RAD51AP1: variants seen among roughly 807,000 people sequenced by gnomAD.
RAD51AP1 encodes the protein RAD51-associated protein 1.
A neutral mutation model predicts 34.3 loss-of-function variants in RAD51AP1; 14 were observed. The ratio of observed to expected loss-of-function variants is 0.41; its 90% CI spans 0.27 to 0.64. The LOEUF is 0.64. Ranked by LOEUF, RAD51AP1 falls within the 30% of genes least tolerant of loss-of-function variation. The pLI, the probability that RAD51AP1 is intolerant of heterozygous loss-of-function variation, is 0.33. For synonymous variants in RAD51AP1, 114 were observed against 129.8 expected, an observed-to-expected ratio of 0.88 and a Z score of 0.83; for missense variants, 348 against 386.9, an observed-to-expected ratio of 0.90 and a Z score of 0.84.
intron 7 of RAD51AP1, among the ~76,000 whole-genome samples, chr12:4,553,905 T>C (rs1373757681): frequency 6.6e-6 from 1 of 152,200 alleles, no homozygotes; most frequent in African/African-American, 2.4e-5. Flanking sequence ...ATTTAGTCTT[T>C]CCATTTATTC....
intron 6 of RAD51AP1, chr12:4,550,417 C>G (rs1944537808): frequency 6.6e-6 from 1 of 152,192 alleles, no homozygotes; most frequent in Admixed American, 6.5e-5. Flanking sequence ...TTCCTCTACC[C>G]CTTGCCTTCT....
intron 6 of RAD51AP1, among the ~76,000 whole-genome samples, chr12:4,549,564 T>C (rs1944531651): frequency 6.6e-6 from 1 of 152,086 alleles, no homozygotes; most frequent in African/African-American, 2.4e-5. Flanking sequence ...AACAAACAGC[T>C]CCTGTCCTTC....
At chr12:4,539,847 G>A (rs1257465677) in intron 1 of RAD51AP1, among the ~76,000 whole-genome samples, 1 of 152,182 alleles carries the variant, frequency 6.6e-6, no homozygotes, top group Non-Finnish European at 1.5e-5. Context: ...AGGAGTTTAG[G>A]TTTTATTTTA....
intron 3 of RAD51AP1, chr12:4,545,198 A>G (rs1299949706): frequency 1.3e-5 from 6 of 453,682 alleles, no homozygotes; most frequent in South Asian, 6.2e-5. Context: ...TGTGGTTTCC[A>G]CAAAATGGAA....
At chr12:4,545,884 T>A in intron 3 of RAD51AP1, 2 of 1,573,106 alleles carry the variant, frequency 1.3e-6, no homozygotes, top group African/African-American at 1.4e-5. Context: ...GGAAGAGATG[T>A]AAAAAAATGA....
intron 6 of RAD51AP1, among the ~76,000 whole-genome samples, chr12:4,549,186 A>G (rs1944528632): frequency 6.6e-6 from 1 of 152,152 alleles, no homozygotes; most frequent in Non-Finnish European, 1.5e-5. Context: ...GGCTGGTACT[A>G]ATCAGGGAGG....
At chr12:4,552,915 G>A in intron 6 of RAD51AP1, 68 bp from the exon 7 acceptor site, 2 of 1,381,370 alleles carry the variant, frequency 1.4e-6, no homozygotes, top group Non-Finnish European at 1.9e-6. Context: ...GAAAGCTGTG[G>A]ATAAAGTTAA....
intron 2 of RAD51AP1, 66 bp downstream of exon 2, chr12:4,541,999 A>G: frequency 9.2e-7 from 1 of 1,090,652 alleles, no homozygotes; most frequent in Non-Finnish European, 1.3e-6. Context: ...TTTATATGAC[A>G]TATATAGCTC....
In RAD51AP1 at chr12:4,548,622, C is replaced by T. The variant is rs1287177578; in HGVS notation, c.407-65C>T. On this transcript the variant is annotated intron_variant, in intron 5 of 8. Transcript: ENST00000352618. ...AACAATAGCTGTAATAGAGTCTGGT[C>T]TGCAGTTCTTGAAATATCAGTTGTC... 7 of 1,533,236 alleles carry T rather than the reference C, an allele frequency of 4.6e-6. No homozygotes were observed. The African/African-American group carries it at 6.9e-5, about 15-fold the overall frequency. The allele number at this position is 1,533,236 out of a possible 1,614,324, so 95.0% of individuals were successfully genotyped here. A position where few individuals can be genotyped will look rare whatever the true frequency, so the allele number is the denominator to read the frequency against.
At chr12:4,554,854 T>G (rs1436916312) in intron 7 of RAD51AP1, among the ~76,000 whole-genome samples, 2 of 152,210 alleles carry the variant, frequency 1.3e-5, no homozygotes, top group Non-Finnish European at 2.9e-5. Flanking sequence ...TATGGTAACC[T>G]CTAGCCATGT....
intron 7 of RAD51AP1, among the ~76,000 whole-genome samples, chr12:4,555,884 T>A (rs1057087465): frequency 6.6e-6 from 1 of 152,204 alleles, no homozygotes; most frequent in Non-Finnish European, 1.5e-5. Flanking sequence ...CCCACTGAAG[T>A]CTAGTGACTA....
chr12:4,539,593 TGA>T (rs1270416754), intron 1 of RAD51AP1, among the ~76,000 whole-genome samples: 2 of 152,154 alleles, frequency 1.3e-5, no homozygotes, highest in Non-Finnish European at 2.9e-5. Context: ...CCTCGAAATA[TGA>T]GAGTGCGAAA....
Position 4,556,484 on chromosome 12 carries a change from C to T in RAD51AP1, c.853C>T (p.Pro285Ser), listed in dbSNP as rs768031221. Residue 285 changes from proline (P) to serine (S), a missense_variant, in exon 8 of 9, where the codon CCT (proline) becomes TCT (serine). By Grantham distance (74) the Pro-to-Ser change is moderately conservative. Coordinates refer to ENST00000352618, the MANE Select transcript of RAD51AP1 (RefSeq NM_006479.5). ...CAGTCCTTCAGCTGAAAGCAAGAAA[C>T]CTAAATGGGTCCCACCAGGTATGGC... is the stretch of plus-strand genomic sequence containing the variant. ...IRSPSAESKK[P>S]KWVPPAASGG... 6.2e-7 allele frequency: 1 copy of T among 1,613,668 alleles called. No individual in the cohort carries two copies. The highest frequency in any genetic ancestry group is 1.3e-5 in the African/African-American group (1 of 75,026).
Position 4,556,484 on chromosome 12 carries a change from C to A in RAD51AP1, c.853C>A (p.Pro285Thr). Residue 285 changes from proline (P) to threonine (T), a missense_variant, in exon 8 of 9, where the codon CCT becomes ACT. Pro to Thr is a conservative substitution (Grantham distance 38, BLOSUM62 -1). Transcript: ENST00000352618. ...IRSPSAESKK[P>T]KWVPPAASGG... ...CAGTCCTTCAGCTGAAAGCAAGAAACCTAAATGGGTCCCACCAGGTATGGC... is the reference window on the plus strand; with the variant it reads ...CAGTCCTTCAGCTGAAAGCAAGAAAACTAAATGGGTCCCACCAGGTATGGC... 6.2e-7 allele frequency: 1 copy of A among 1,613,668 alleles called. No individual in the cohort carries two copies. Among genetic ancestry groups the A allele is most frequent in the Non-Finnish European group, 8.5e-7 (1 of 1,179,640 alleles).
chr12:4,546,267 G>T, intron 3 of RAD51AP1, 42 bp from the exon 4 acceptor site: 2 of 1,393,386 alleles, frequency 1.4e-6, no homozygotes, highest in East Asian at 2.3e-5. Flanking sequence ...AGTTGAGATT[G>T]ATATTTTGAA....
intron 6 of RAD51AP1, among the ~76,000 whole-genome samples, chr12:4,549,298 TATG>T (rs1419407145): frequency 1.3e-5 from 2 of 152,204 alleles, no homozygotes; most frequent in African/African-American, 4.8e-5. Context: ...TATATTTTAT[TATG>T]ATGGTTTTTA....
chr12:4,546,171 C>A (rs1944504715), intron 3 of RAD51AP1, 138 bp from the exon 4 acceptor site: 1 of 634,910 alleles, frequency 1.6e-6, no homozygotes, highest in South Asian at 2.0e-5. Flanking sequence ...CATCAAAGGT[C>A]TATTAATGAT....
rs1294820254 is a variant in RAD51AP1, at chr12:4,553,031, A to G, written c.605A>G (p.Asp202Gly). The change falls in exon 7 of 9, where the codon GAC (aspartate) becomes GGC (glycine). Residue 202 changes from aspartate (D) to glycine (G), a missense_variant. Physicochemically the swap from Asp to Gly is moderately conservative, Grantham distance 94 (BLOSUM62 -1). Transcript: ENST00000352618. ...GATTTTTGTGAGAGTGAGGATAATG[A>G]CGAAGACTTCTCTATGAGAAAAAGT... ...DSDFCESEDN[D>G]EDFSMRKSKV... 4 of 1,606,344 alleles carry G rather than the reference A, an allele frequency of 2.5e-6. No homozygotes were observed. In the Admixed American group the frequency reaches 6.9e-5, roughly 28 times the overall value.
In RAD51AP1 at chr12:4,556,395, C is replaced by T. The variant is rs1944583152; in HGVS notation, c.764C>T (p.Ser255Phe). ...DSAPAAVKSE[S>F]QSLPKKVSLS... ...GCTCCAGCTGCCGTCAAATCAGAAT[C>T]TCAGTCCTTGCCAAAAAAGGTTTCT... The change falls in exon 8 of 9, where the codon TCT becomes TTT. Residue 255 changes from serine to phenylalanine, a missense_variant. Ser to Phe is a radical substitution (Grantham distance 155). Transcript: ENST00000352618. 6.2e-7 allele frequency: 1 copy of T among 1,613,724 alleles called. No individual in the cohort carries two copies. Among genetic ancestry groups the T allele is most frequent in the Non-Finnish European group, 8.5e-7 (1 of 1,179,770 alleles).
Sources: gnomAD v4.1 joint callset for allele counts (sites outside exome capture counted in the v4.1 genomes callset) on GRCh38, gnomAD v4.1.1 for gene constraint, MANE v1.5 for transcripts, NCBI Gene and HGNC (gene_info 2026-07-23, HGNC 2026-07-21) for gene names.